The following NRXN3 variants were observed in gnomAD, a reference collection of about 807,000 sequenced individuals.
NRXN3 encodes neurexin III.
In NRXN3, 32 loss-of-function variants were observed where a neutral mutation model predicts 137.6. The ratio of observed to expected loss-of-function variants is 0.23; its 90% CI spans 0.18 to 0.31. The LOEUF is 0.31. Ranked by LOEUF, NRXN3 falls within the 10% of genes least tolerant of loss-of-function variation. The pLI is 1.00. For synonymous variants in NRXN3, 798 were observed against 784.5 expected, an observed-to-expected ratio of 1.02 and a Z score of -0.29; for missense variants, 1,574 against 2,062.5, an observed-to-expected ratio of 0.76 and a Z score of 4.59.
rs2099417224 is a variant in NRXN3, at chr14:79,864,709, A to G, written c.*2745A>G. ...TGTATTCTAGAAAAGATTATTGGAT[A>G]CTATGGTTTTGTTTGTTTGTTTTTG... On this transcript the variant is annotated 3_prime_UTR_variant, in exon 21 of 21. Coordinates refer to ENST00000335750, the MANE Select transcript of NRXN3 (RefSeq NM_001330195.2). 2 of 152,018 alleles carry G rather than the reference A, an allele frequency of 1.3e-5. No homozygotes were observed. The highest frequency in any genetic ancestry group is 4.8e-5 in the African/African-American group (2 of 41,394). The allele number at this position is 152,018 out of a possible 1,614,324, so 9.4% of individuals were successfully genotyped here. A position where few individuals can be genotyped will look rare whatever the true frequency, so the allele number is the denominator to read the frequency against.
intron 15 of NRXN3, among the ~76,000 whole-genome samples, chr14:79,403,407 G>A (rs966218236): frequency 1.3e-5 from 2 of 152,066 alleles, no homozygotes; most frequent in African/African-American, 4.8e-5. Context: ...CTCAGTAGGG[G>A]GAAGGAAAAA....
chr14:78,423,634 C>T (rs1305145744), intron 4 of NRXN3, among the ~76,000 whole-genome samples: 1 of 152,168 alleles, frequency 6.6e-6, no homozygotes, highest in East Asian at 1.9e-4. Context: ...GTAAAGTAGC[C>T]TTAGCTACAG....
At chr14:79,368,805 C>G (rs1281436304) in intron 15 of NRXN3, among the ~76,000 whole-genome samples, 1 of 152,188 alleles carries the variant, frequency 6.6e-6, no homozygotes, top group African/African-American at 2.4e-5. Context: ...AATTGGTACT[C>G]TGTGAATATT....
chr14:78,192,107 T>TGTGTGTGTGA (rs796435942), intron 1 of NRXN3, among the ~76,000 whole-genome samples: 31 of 140,524 alleles, frequency 2.2e-4, no homozygotes, highest in South Asian at 4.8e-4. Flanking sequence ...TGTGTGTGTG[T>TGTGTGTGTGA]GAGAGAGAGA....
chr14:79,355,257 C>G (rs1272182109), intron 15 of NRXN3, among the ~76,000 whole-genome samples: 2 of 143,100 alleles, frequency 1.4e-5, no homozygotes, highest in African/African-American at 3.0e-5. Context: ...CTGTCCCCCA[C>G]CCCCTTCCTT....
At chr14:79,598,583 G>A (rs763519825) in intron 16 of NRXN3, among the ~76,000 whole-genome samples, 3 of 152,186 alleles carry the variant, frequency 2.0e-5, no homozygotes, top group Non-Finnish European at 2.9e-5. Flanking sequence ...TGGAAGCTCC[G>A]CTATCCACAA....
intron 19 of NRXN3, among the ~76,000 whole-genome samples, chr14:79,804,847 G>A (rs1420428064): frequency 1.3e-5 from 2 of 152,058 alleles, no homozygotes; most frequent in African/African-American, 4.8e-5. Context: ...TATGGGGATG[G>A]GTGAGGCTTA....
At chr14:78,993,816 T>C (rs1378700044) in intron 15 of NRXN3, among the ~76,000 whole-genome samples, 2 of 150,440 alleles carry the variant, frequency 1.3e-5, no homozygotes, top group African/African-American at 2.4e-5. Context: ...ATGGTTTTCA[T>C]TGAAGATGAG....
intron 6 of NRXN3, among the ~76,000 whole-genome samples, chr14:78,668,568 G>A (rs1394898198): frequency 6.6e-6 from 1 of 152,186 alleles, no homozygotes; most frequent in Non-Finnish European, 1.5e-5. Flanking sequence ...GTGGGCAGAG[G>A]CCAAGATTGT....
rs185027134 is a variant in NRXN3, at chr14:78,408,655, C to T, written c.757+110795C>T. 5.4e-3 allele frequency among the ~76,000 whole-genome samples: 820 copies of T among 152,322 alleles called. 1 individual carries two copies. Among genetic ancestry groups the T allele is most frequent in the African/African-American group, 0.019 (769 of 41,566 alleles). On this transcript the variant is annotated intron_variant, in intron 4 of 20. Coordinates refer to ENST00000335750, the MANE Select transcript of NRXN3 (RefSeq NM_001330195.2). The stretch of plus-strand genomic sequence containing the variant: ...CTAGTGATGGAATGACAAGCCCACT[C>T]CATAGGTGCCTCTGAATAGCTTATT...
chr14:78,650,893 T>A (rs1175661653), intron 5 of NRXN3, among the ~76,000 whole-genome samples: 2 of 152,170 alleles, frequency 1.3e-5, no homozygotes, highest in African/African-American at 4.8e-5. Flanking sequence ...CCTGACTGTG[T>A]AAAGATTGCA....
chr14:78,674,699 G>A (rs937502571), intron 6 of NRXN3, among the ~76,000 whole-genome samples: 3 of 152,194 alleles, frequency 2.0e-5, no homozygotes, highest in African/African-American at 7.2e-5. Context: ...ACTATTAGGG[G>A]AGAGGGGGTT....
At chr14:78,655,986 C>A (rs1409985084) in intron 6 of NRXN3, among the ~76,000 whole-genome samples, 1 of 152,152 alleles carries the variant, frequency 6.6e-6, no homozygotes, top group Non-Finnish European at 1.5e-5. Context: ...CAATCCCACT[C>A]ATGAGGGACC....
chr14:78,234,994 TTATATATATATATATATA>T (rs57469863), intron 1 of NRXN3, among the ~76,000 whole-genome samples: 2 of 108,784 alleles, frequency 1.8e-5, no homozygotes, highest in Non-Finnish European at 3.8e-5. Context: ...ACAAATGCTT[TTATATATATATATATATA>T]TATATATATA....
rs547910988 is a variant in NRXN3 at position 79,458,230 on chromosome 14, G to A, written c.3263-8991G>A. On this transcript the variant is annotated intron_variant, in intron 15 of 20. Coordinates refer to ENST00000335750, the MANE Select transcript of NRXN3 (RefSeq NM_001330195.2). ...CATAAAACAATTTGACTAAAAATGG[G>A]TGTGATTTTCTTATCTGAGACTGCC... Among the ~76,000 whole-genome samples, 6 of 152,204 alleles carry A rather than the reference G, an allele frequency of 3.9e-5. No homozygotes were observed. The South Asian group carries it at 1.2e-3, about 32-fold the overall frequency.
chr14:78,462,298 G>A (rs2153720093), intron 4 of NRXN3, among the ~76,000 whole-genome samples: 1 of 152,272 alleles, frequency 6.6e-6, no homozygotes, highest in South Asian at 2.1e-4. Flanking sequence ...CAGAGACCAG[G>A]CACATACAGA....
chr14:78,513,988 CT>C (rs2096159241), intron 4 of NRXN3, among the ~76,000 whole-genome samples: 1 of 152,114 alleles, frequency 6.6e-6, no homozygotes, highest in South Asian at 2.1e-4. Flanking sequence ...TGTGGCCAAA[CT>C]CTTGCTCAGA....
At chr14:79,672,209 G>C (rs2098611765) in intron 17 of NRXN3, among the ~76,000 whole-genome samples, 4 of 151,880 alleles carry the variant, frequency 2.6e-5, no homozygotes, top group Admixed American at 6.6e-5. Context: ...AGACTATCTT[G>C]GGATTTAAAG....
intron 16 of NRXN3, among the ~76,000 whole-genome samples, chr14:79,622,454 G>A (rs142005813): frequency 5.9e-5 from 9 of 152,244 alleles, no homozygotes; most frequent in South Asian, 2.1e-4. Context: ...TTCATGGAAC[G>A]TAGATAATTA....
Sources: gnomAD v4.1 joint callset for allele counts (sites outside exome capture counted in the v4.1 genomes callset) on GRCh38, gnomAD v4.1.1 for gene constraint, MANE v1.5 for transcripts, NCBI Gene and HGNC (gene_info 2026-07-23, HGNC 2026-07-21) for gene names.